The following SGCZ variants were observed in gnomAD, a reference collection of about 807,000 sequenced individuals.
The protein encoded by SGCZ is zeta-sarcoglycan.
A neutral mutation model predicts 41.3 loss-of-function variants in SGCZ; 40 were observed. The ratio of observed to expected loss-of-function variants is 0.97; its 90% CI spans 0.75 to 1.26. SGCZ has a LOEUF of 1.26. SGCZ is among the 50% of genes most tolerant of loss of function. The pLI is 0.00. For synonymous variants in SGCZ, 206 were observed against 137.5 expected (o/e 1.50, Z -3.49); for missense variants, 552 against 369.8 (o/e 1.49, Z -4.04).
chr8:14,494,584 T>C (rs1377743491), intron 2 of SGCZ, among the ~76,000 whole-genome samples: 2 of 152,100 alleles, frequency 1.3e-5, no homozygotes. Flanking sequence ...TGTTTAATCA[T>C]TCATGAGAAG....
At chr8:14,736,151 C>T (rs1799022823) in intron 1 of SGCZ, among the ~76,000 whole-genome samples, 3 of 152,052 alleles carry the variant, frequency 2.0e-5, no homozygotes, top group South Asian at 4.1e-4. Flanking sequence ...CTGCTTGAAC[C>T]TACTTCATTC....
intron 1 of SGCZ, among the ~76,000 whole-genome samples, chr8:14,737,046 T>C (rs1047819020): frequency 2.7e-5 from 4 of 149,756 alleles, no homozygotes; most frequent in Non-Finnish European, 5.9e-5. Flanking sequence ...ACCAGACATA[T>C]AGCTATATAT....
At chr8:14,887,987 T>C (rs979829881) in intron 1 of SGCZ, among the ~76,000 whole-genome samples, 1 of 152,136 alleles carries the variant, frequency 6.6e-6, no homozygotes, top group African/African-American at 2.4e-5. Flanking sequence ...GAGGGATAAA[T>C]GATAAGTATT....
intron 5 of SGCZ, among the ~76,000 whole-genome samples, chr8:14,160,813 G>T (rs10112523): frequency 2.0e-5 from 3 of 152,098 alleles, no homozygotes; most frequent in African/African-American, 4.8e-5. Flanking sequence ...CATGAGCTAC[G>T]CTAGGTCTGT....
chr8:14,230,229 G>A (rs955696794), intron 4 of SGCZ, among the ~76,000 whole-genome samples: 1 of 151,970 alleles, frequency 6.6e-6, no homozygotes, highest in Admixed American at 6.6e-5. Context: ...AAAGAGTCGT[G>A]GAGACAATCT....
chr8:14,244,650 G>T (rs528239919), intron 3 of SGCZ, among the ~76,000 whole-genome samples: 1 of 151,546 alleles, frequency 6.6e-6, no homozygotes, highest in Non-Finnish European at 1.5e-5. Context: ...GTAGCTTGAT[G>T]GGGATGGCAT....
At chr8:14,524,461 G>C (rs1802880957) in intron 2 of SGCZ, among the ~76,000 whole-genome samples, 1 of 152,028 alleles carries the variant, frequency 6.6e-6, no homozygotes, top group Non-Finnish European at 1.5e-5. Flanking sequence ...CAGTGATACT[G>C]TAGTAGGGGT....
At chr8:14,360,828 T>C (rs562684575) in intron 2 of SGCZ, among the ~76,000 whole-genome samples, 3 of 152,230 alleles carry the variant, frequency 2.0e-5, no homozygotes, top group Admixed American at 6.5e-5. Context: ...AGAGTACAAC[T>C]GCATGTTTAG....
At chr8:14,400,425 A>G (rs1551813) in intron 2 of SGCZ, among the ~76,000 whole-genome samples, 12,648 of 152,052 alleles carry the variant, frequency 0.083, 675 homozygotes, top group Admixed American at 0.13. Context: ...TTTTGACTAT[A>G]AAGAATAATA....
intron 5 of SGCZ, among the ~76,000 whole-genome samples, chr8:14,141,613 G>GAGAT (rs1302946077): frequency 2.0e-5 from 3 of 152,154 alleles, no homozygotes; most frequent in African/African-American, 7.2e-5. Flanking sequence ...AAACCACAAT[G>GAGAT]AGATACCATC....
chr8:14,607,554 G>A (rs1352426697), intron 1 of SGCZ, among the ~76,000 whole-genome samples: 1 of 152,116 alleles, frequency 6.6e-6, no homozygotes, highest in Non-Finnish European at 1.5e-5. Flanking sequence ...TTTGGCAGCA[G>A]CTATAAACCA....
At chr8:14,212,272 G>C (rs1037254593) in intron 4 of SGCZ, among the ~76,000 whole-genome samples, 2 of 151,974 alleles carry the variant, frequency 1.3e-5, no homozygotes, top group South Asian at 4.2e-4. Flanking sequence ...AGAGAAAAAG[G>C]CTAGTGAAAA....
intron 1 of SGCZ, among the ~76,000 whole-genome samples, chr8:15,053,745 T>A (rs983393234): frequency 1.1e-4 from 16 of 152,182 alleles, no homozygotes; most frequent in African/African-American, 3.9e-4. Flanking sequence ...AGGTTTCTCT[T>A]GTCAATGATA....
At chr8:15,104,223 G>T (rs1388616721) in intron 1 of SGCZ, among the ~76,000 whole-genome samples, 2 of 152,134 alleles carry the variant, frequency 1.3e-5, no homozygotes, top group Admixed American at 6.5e-5. Context: ...CCTTGCACAG[G>T]ATTCCTACCC....
At chr8:14,479,731 C>CTTTTTTTTTTTTTTTTTTTTTTTTTT (rs529812029) in intron 2 of SGCZ, among the ~76,000 whole-genome samples, 5 of 52,972 alleles carry the variant, frequency 9.4e-5, no homozygotes, top group African/African-American at 2.0e-4. Context: ...AATTCTACTT[C>CTTTTTTTTTTTTTTTTTTTTTTTTTT]TTTTTTTTTT....
At chr8:14,916,236 C>T (rs572184087) in intron 1 of SGCZ, among the ~76,000 whole-genome samples, 3 of 152,058 alleles carry the variant, frequency 2.0e-5, no homozygotes, top group Non-Finnish European at 2.9e-5. Flanking sequence ...TATCTATTAC[C>T]TTAAGATTAT....
At chr8:14,606,771 G>A (rs1805763591) in intron 1 of SGCZ, among the ~76,000 whole-genome samples, 1 of 152,156 alleles carries the variant, frequency 6.6e-6, no homozygotes. Context: ...ATGGAGGAAT[G>A]AATAAGAAGA....
chr8:14,248,899 T>C (rs1799194361), intron 3 of SGCZ, among the ~76,000 whole-genome samples: 2 of 152,178 alleles, frequency 1.3e-5, no homozygotes, highest in Non-Finnish European at 1.5e-5. Context: ...AGAGATATAA[T>C]ATTTATGACA....
At chr8:14,784,921 TA>T (rs1800711376) in intron 1 of SGCZ, among the ~76,000 whole-genome samples, 1 of 55,410 alleles carries the variant, frequency 1.8e-5, no homozygotes, top group Non-Finnish European at 3.7e-5. Context: ...AAAATATATA[TA>T]TATATATATA....
Sources: gnomAD v4.1 joint callset for allele counts (sites outside exome capture counted in the v4.1 genomes callset) on GRCh38, gnomAD v4.1.1 for gene constraint, MANE v1.5 for transcripts, NCBI Gene and HGNC (gene_info 2026-07-23, HGNC 2026-07-21) for gene names.